The following PIK3C3 variants were observed in gnomAD, a reference collection of about 807,000 sequenced individuals.
The protein encoded by PIK3C3 is PI3-kinase type 3.
In PIK3C3, 95 loss-of-function variants were observed where a neutral mutation model predicts 126.1. That is an observed-to-expected ratio of 0.75 (90% CI 0.64 to 0.89). The LOEUF (loss-of-function observed/expected upper bound fraction) is 0.89, where lower values mean the gene tolerates loss of function less well. PIK3C3 is among the 40% of genes least tolerant of loss of function. PIK3C3 has a pLI of 0.00. For synonymous variants in PIK3C3, 374 were observed against 360.0 expected, an observed-to-expected ratio of 1.04 and a Z score of -0.44; for missense variants, 829 against 1,063.2, an observed-to-expected ratio of 0.78 and a Z score of 3.06.
intron 1 of PIK3C3, among the ~76,000 whole-genome samples, chr18:41,955,837 G>T (rs1979743339): frequency 6.7e-6 from 1 of 149,452 alleles, no homozygotes; most frequent in Non-Finnish European, 1.5e-5. Flanking sequence ...GGTGATAGAG[G>T]CCTAGAGTGA....
intron 23 of PIK3C3, among the ~76,000 whole-genome samples, chr18:42,065,771 C>A (rs1021993175): frequency 2.0e-5 from 3 of 152,004 alleles, no homozygotes; most frequent in Admixed American, 1.3e-4. Context: ...AGTATTAGAA[C>A]AATTAGTGTA....
At chr18:41,976,759 T>G (rs1199693752) in intron 4 of PIK3C3, among the ~76,000 whole-genome samples, 1 of 152,210 alleles carries the variant, frequency 6.6e-6, no homozygotes, top group Non-Finnish European at 1.5e-5. Context: ...TGTTATTACT[T>G]TTTTTACTTG....
In PIK3C3 at chr18:42,004,442, G is replaced by A. The variant is rs1329484920; in HGVS notation, c.1071G>A (p.Pro357=). ...TGGAACTTCTGGGAAAATGGAAGCC[G>A]ATGGATGTAGAGGACTCCTTGGAGC... ...QALELLGKWK[P]MDVEDSLELL... is the part of the protein sequence containing the mutation. Residue 357 remains proline (P), a synonymous_variant, in exon 10 of 25, where the codon CCG becomes CCA. Transcript: ENST00000262039. The A allele has an allele frequency of 6.8e-6, 11 of 1,613,596 alleles. No individual in the cohort carries two copies. In the Admixed American group the frequency reaches 1.5e-4, roughly 22 times the overall value.
chr18:42,084,897 T>G lies in PIK3C3; in HGVS notation c.*3760T>G, dbSNP rs1338159091. Reference sequence around the variant, plus strand: ...CTAGATTTAACCAGTAGATGAGATGTTAAGTTATCCTGTAGTCCAGAGATT... The same window carrying G: ...CTAGATTTAACCAGTAGATGAGATGGTAAGTTATCCTGTAGTCCAGAGATT... On this transcript the variant is annotated 3_prime_UTR_variant, in exon 25 of 25. Transcript: ENST00000262039. The G allele has an allele frequency of 6.6e-6, 1 of 152,192 alleles. No homozygotes were observed. The highest frequency in any genetic ancestry group is 1.5e-5 in the Non-Finnish European group (1 of 68,034). The allele number at this position is 152,192 out of a possible 1,614,324, so 9.4% of individuals were successfully genotyped here. A position where few individuals can be genotyped will look rare whatever the true frequency, so the allele number is the denominator to read the frequency against.
chr18:42,082,099 C>T lies in PIK3C3; in HGVS notation c.*962C>T, dbSNP rs1029848069. The T allele has an allele frequency of 1.3e-4, 20 of 152,004 alleles. No individual in the cohort carries two copies. Among genetic ancestry groups the T allele is most frequent in the Admixed American group, 1.2e-3 (19 of 15,274 alleles). 9.4% of individuals were successfully genotyped at this position (152,004 alleles called of 1,614,324 possible). A position where few individuals can be genotyped will look rare whatever the true frequency, so the allele number is the denominator to read the frequency against. ...AGAACTAATCCCTCTAGCTTTTTTA[C>T]TGGAACTTTGGGGAAAAAGAACAAA... is the stretch of plus-strand genomic sequence containing the variant. On this transcript the variant is annotated 3_prime_UTR_variant, in exon 25 of 25. Transcript: ENST00000262039.
chr18:42,075,276 A>C (rs1054196971), intron 24 of PIK3C3, among the ~76,000 whole-genome samples: 2 of 152,210 alleles, frequency 1.3e-5, no homozygotes, highest in Non-Finnish European at 2.9e-5. Flanking sequence ...TGGGGGTCAA[A>C]TAGAAATCCT....
At chr18:42,030,973 CA>C (rs1983797549) in intron 15 of PIK3C3, among the ~76,000 whole-genome samples, 1 of 152,166 alleles carries the variant, frequency 6.6e-6, no homozygotes, top group South Asian at 2.1e-4. Context: ...TTGTGTTTCT[CA>C]CATAGCCTAT....
At chr18:42,004,174 C>CT (rs1025219259) in intron 9 of PIK3C3, among the ~76,000 whole-genome samples, 182 bp from the exon 10 acceptor site, 5 of 152,100 alleles carry the variant, frequency 3.3e-5, no homozygotes, top group Non-Finnish European at 5.9e-5. Context: ...AGGGAACATG[C>CT]TTTTTTTCTG....
At chr18:42,000,334 GAGTC>G (rs1297421723) in intron 9 of PIK3C3, among the ~76,000 whole-genome samples, 1 of 152,202 alleles carries the variant, frequency 6.6e-6, no homozygotes, top group Non-Finnish European at 1.5e-5. Context: ...TTACAGGTGT[GAGTC>G]AGCACGCTGG....
intron 21 of PIK3C3, chr18:42,050,471 A>G (rs1402485676): frequency 6.6e-6 from 1 of 152,200 alleles, no homozygotes; most frequent in African/African-American, 2.4e-5. Flanking sequence ...ATATATGGCC[A>G]GTTGTAAAAG....
chr18:42,076,760 T>C (rs1986049587), intron 24 of PIK3C3, among the ~76,000 whole-genome samples: 1 of 152,244 alleles, frequency 6.6e-6, no homozygotes, highest in Admixed American at 6.5e-5. Flanking sequence ...AATTTTCTTA[T>C]CTTCTCCAAA....
intron 11 of PIK3C3, 90 bp from the exon 12 acceptor site, chr18:42,015,386 A>T (rs1026363440): frequency 1.3e-5 from 12 of 913,510 alleles, no homozygotes; most frequent in Non-Finnish European, 1.8e-5. Flanking sequence ...AACTAGACAC[A>T]ATTGAAGTGA....
intron 3 of PIK3C3, among the ~76,000 whole-genome samples, chr18:41,967,114 A>G (rs1980409599): frequency 6.6e-6 from 1 of 152,000 alleles, no homozygotes; most frequent in Non-Finnish European, 1.5e-5. Context: ...AAAGCCAGGC[A>G]TTTCCTAGTC....
chr18:41,983,504 A>G (rs949400791), intron 4 of PIK3C3, among the ~76,000 whole-genome samples: 64 of 152,272 alleles, frequency 4.2e-4, no homozygotes, highest in African/African-American at 1.4e-3. Flanking sequence ...AAGCCTTTCA[A>G]TAAGTATAAA....
chr18:42,043,834 AT>A lies in PIK3C3; in HGVS notation c.2188+19del, dbSNP rs759331670. ...AAAGCTGTGGTAAGTTTTTCAGGCT[AT>A]TACTTTCCATTGATCAGATAAAGAA... On this transcript the variant is annotated intron_variant, in intron 20 of 24. Transcript: ENST00000262039. 3.9e-6 allele frequency: 6 copies of A among 1,531,346 alleles called. No homozygotes were observed. The highest frequency in any genetic ancestry group is 5.4e-6 in the Non-Finnish European group (6 of 1,105,136). 94.9% of individuals were successfully genotyped at this position (1,531,346 alleles called of 1,614,324 possible).
chr18:42,031,136 C>T (rs1488338729), intron 15 of PIK3C3, among the ~76,000 whole-genome samples: 1 of 152,158 alleles, frequency 6.6e-6, no homozygotes, highest in Admixed American at 6.5e-5. Flanking sequence ...AGAGATAGCG[C>T]TCTACTACCA....
chr18:42,071,659 G>T (rs924587779), intron 24 of PIK3C3, among the ~76,000 whole-genome samples: 1 of 151,446 alleles, frequency 6.6e-6, no homozygotes, highest in Non-Finnish European at 1.5e-5. Flanking sequence ...GGCAGAGGTT[G>T]CAGTGAGCCA....
At chr18:42,044,150 A>G (rs896151760) in intron 20 of PIK3C3, among the ~76,000 whole-genome samples, 9 of 152,196 alleles carry the variant, frequency 5.9e-5, no homozygotes, top group Non-Finnish European at 7.3e-5. Flanking sequence ...AAAAGTTTCA[A>G]TCAGAAATGA....
intron 22 of PIK3C3, among the ~76,000 whole-genome samples, chr18:42,059,603 A>G (rs1426334745): frequency 2.6e-5 from 4 of 152,178 alleles, no homozygotes; most frequent in African/African-American, 4.8e-5. Context: ...ATAGAATAAG[A>G]AAACAGGCAG....
Sources: gnomAD v4.1 joint callset for allele counts (sites outside exome capture counted in the v4.1 genomes callset) on GRCh38, gnomAD v4.1.1 for gene constraint, MANE v1.5 for transcripts, NCBI Gene and HGNC (gene_info 2026-07-23, HGNC 2026-07-21) for gene names.